Variants in GPC6 observed in about 807,000 individuals in gnomAD.
The protein encoded by GPC6 is glypican-6.
A neutral mutation model predicts 55.2 loss-of-function variants in GPC6; 14 were observed. The ratio of observed to expected loss-of-function variants is 0.25; its 90% CI spans 0.17 to 0.40. The LOEUF is 0.40. Among genes scored for constraint, GPC6 ranks in the 10% least tolerant of loss-of-function variants. The probability of loss-of-function intolerance (pLI) is 1.00; values close to 1 mark genes in which losing one functional copy is unlikely to be tolerated. For missense variants in GPC6, 641 were observed against 708.5 expected, an observed-to-expected ratio of 0.90 and a Z score of 1.08; for synonymous variants, 278 against 259.6, an observed-to-expected ratio of 1.07 and a Z score of -0.68.
chr13:94,254,390 T>C (rs1891444472), intron 4 of GPC6, among the ~76,000 whole-genome samples: 1 of 152,164 alleles, frequency 6.6e-6, no homozygotes, highest in Non-Finnish European at 1.5e-5. Context: ...TCATACCCTG[T>C]TGAATTATTC....
intron 3 of GPC6, among the ~76,000 whole-genome samples, chr13:94,018,007 A>T (rs1882540804): frequency 6.6e-6 from 1 of 152,136 alleles, no homozygotes. Context: ...CTTATCTTAG[A>T]GAGAAATCTT....
intron 3 of GPC6, among the ~76,000 whole-genome samples, chr13:93,950,131 T>G (rs900167920): frequency 6.6e-6 from 1 of 152,210 alleles, no homozygotes; most frequent in African/African-American, 2.4e-5. Flanking sequence ...CATTGAATTG[T>G]ACACCTAAGA....
At chr13:93,380,382 G>T (rs928162382) in intron 1 of GPC6, among the ~76,000 whole-genome samples, 1 of 152,098 alleles carries the variant, frequency 6.6e-6, no homozygotes, top group East Asian at 1.9e-4. Context: ...TTTATGGTTT[G>T]TTTAGAAATA....
chr13:94,245,688 T>C (rs1891175535), intron 4 of GPC6, among the ~76,000 whole-genome samples: 1 of 152,062 alleles, frequency 6.6e-6, no homozygotes, highest in Non-Finnish European at 1.5e-5. Flanking sequence ...AATGGCAAGA[T>C]CTCCTTTTTT....
At chr13:94,347,604 A>T (rs1878354977) in intron 6 of GPC6, among the ~76,000 whole-genome samples, 1 of 152,234 alleles carries the variant, frequency 6.6e-6, no homozygotes, top group African/African-American at 2.4e-5. Context: ...GATTTGACAT[A>T]ATGTAATATG....
intron 2 of GPC6, among the ~76,000 whole-genome samples, chr13:93,804,994 G>A (rs1356467752): frequency 6.6e-6 from 1 of 152,110 alleles, no homozygotes; most frequent in Non-Finnish European, 1.5e-5. Flanking sequence ...TTTAACAAAA[G>A]TTATTACATG....
intron 1 of GPC6, among the ~76,000 whole-genome samples, chr13:93,365,530 G>T (rs1309645783): frequency 6.6e-6 from 1 of 152,010 alleles, no homozygotes; most frequent in East Asian, 1.9e-4. Context: ...CAATAAACTA[G>T]AGTTAGGTGG....
At chr13:94,355,323 G>A (rs541703764) in intron 6 of GPC6, among the ~76,000 whole-genome samples, 275 of 151,736 alleles carry the variant, frequency 1.8e-3, no homozygotes, top group African/African-American at 6.4e-3. Context: ...GCGCCCGGCC[G>A]TGGCTCTTCT....
At chr13:94,262,555 C>G (rs1029818223) in intron 4 of GPC6, among the ~76,000 whole-genome samples, 5 of 151,956 alleles carry the variant, frequency 3.3e-5, no homozygotes, top group African/African-American at 4.8e-5. Context: ...CACCTATAGT[C>G]CCAGCTGCTT....
chr13:93,626,398 C>A (rs1421344362), intron 2 of GPC6, among the ~76,000 whole-genome samples: 8 of 152,216 alleles, frequency 5.3e-5, no homozygotes, highest in African/African-American at 7.2e-5. Context: ...CTTCCAGATT[C>A]CTCAGTTTGC....
intron 4 of GPC6, among the ~76,000 whole-genome samples, chr13:94,210,999 T>C (rs1206105772): frequency 6.6e-6 from 1 of 152,228 alleles, no homozygotes; most frequent in African/African-American, 2.4e-5. Flanking sequence ...CTTTCGTCTG[T>C]GTGGGAGTGT....
intron 4 of GPC6, among the ~76,000 whole-genome samples, chr13:94,033,941 A>T (rs1361777662): frequency 6.6e-6 from 1 of 152,156 alleles, no homozygotes; most frequent in Non-Finnish European, 1.5e-5. Context: ...CAATTATTTT[A>T]AAATCTGTTC....
At position 94,077,269 on chromosome 13, in the gene GPC6, T is replaced by C. The variant is rs116778876; in HGVS notation, c.877+49375T>C. On this transcript the variant is annotated intron_variant, in intron 4 of 8. Coordinates refer to ENST00000377047, the MANE Select transcript of GPC6 (RefSeq NM_005708.5). ...GTTAATGGGATTACTTCTTAATGTT[T>C]CTTCAGATAGCTCATTGTTAATGTA... Among the ~76,000 whole-genome samples the C allele has an allele frequency of 4.8e-3, 725 of 151,968 alleles. 8 individuals carry two copies. Among genetic ancestry groups the C allele is most frequent in the African/African-American group, 0.017 (686 of 41,534 alleles).
intron 3 of GPC6, among the ~76,000 whole-genome samples, chr13:93,940,318 A>G (rs552776642): frequency 6.6e-6 from 1 of 152,176 alleles, no homozygotes; most frequent in East Asian, 1.9e-4. Context: ...TTAGTAAAAG[A>G]GAAAACCTCT....
At chr13:93,681,321 T>C (rs1475573360) in intron 2 of GPC6, among the ~76,000 whole-genome samples, 2 of 152,198 alleles carry the variant, frequency 1.3e-5, no homozygotes, top group East Asian at 3.9e-4. Context: ...TTTATGTGGA[T>C]AAATACAGGA....
At chr13:93,303,369 A>G (rs577432421) in intron 1 of GPC6, among the ~76,000 whole-genome samples, 33 of 152,332 alleles carry the variant, frequency 2.2e-4, no homozygotes, top group African/African-American at 7.7e-4. Context: ...GAAAATAAGT[A>G]AGTTAATACA....
chr13:93,553,410 G>A (rs557111149), intron 2 of GPC6, among the ~76,000 whole-genome samples: 5 of 152,126 alleles, frequency 3.3e-5, no homozygotes, highest in African/African-American at 1.2e-4. Flanking sequence ...GGAATGAGAT[G>A]GGCCAGGCGC....
At chr13:93,866,287 AAAGG>A (rs1401871500) in intron 3 of GPC6, among the ~76,000 whole-genome samples, 33 of 151,802 alleles carry the variant, frequency 2.2e-4, no homozygotes, top group Admixed American at 2.2e-3. Flanking sequence ...TGAACAGGAA[AAAGG>A]AACACAAAAC....
intron 7 of GPC6, among the ~76,000 whole-genome samples, chr13:94,396,145 C>G (rs1880888149): frequency 6.6e-6 from 1 of 152,168 alleles, no homozygotes; most frequent in Admixed American, 6.5e-5. Flanking sequence ...CTCCTGTGGC[C>G]AGCCCCAGGG....
Sources: allele counts gnomAD v4.1 joint callset (sites outside exome capture counted in the v4.1 genomes callset), GRCh38; gene constraint gnomAD v4.1.1; transcripts MANE v1.5; gene names NCBI Gene and HGNC (gene_info 2026-07-23, HGNC 2026-07-21).